The following AUH variants were observed in gnomAD, a reference collection of about 807,000 sequenced individuals.
AUH encodes the protein methylglutaconyl-CoA hydratase, mitochondrial.
In AUH, 29 loss-of-function variants were observed where a neutral mutation model predicts 42.3. The ratio of observed to expected loss-of-function variants is 0.69; its 90% CI spans 0.51 to 0.93. The LOEUF is 0.93. Among genes scored for constraint, AUH ranks in the 40% least tolerant of loss-of-function variants. AUH has a pLI of 0.00. For synonymous variants in AUH, 174 were observed against 166.4 expected, an observed-to-expected ratio of 1.05 and a Z score of -0.35; for missense variants, 452 against 438.1, an observed-to-expected ratio of 1.03 and a Z score of -0.28.
chr9:91,341,395 A>G (rs1831089867), intron 3 of AUH, among the ~76,000 whole-genome samples: 1 of 152,238 alleles, frequency 6.6e-6, no homozygotes, highest in South Asian at 2.1e-4. Flanking sequence ...CTTGAAGTCC[A>G]TCTGGGAACA....
intron 3 of AUH, among the ~76,000 whole-genome samples, chr9:91,347,212 T>TTTTGTTTG (rs145405829): frequency 0.1 from 15,573 of 150,078 alleles, 900 homozygotes; most frequent in Middle Eastern, 0.12. Context: ...TAAGAGGGTT[T>TTTTGTTTG]TTTGTTTGTT....
At chr9:91,326,477 A>G (rs1310553451) in intron 3 of AUH, among the ~76,000 whole-genome samples, 1 of 152,264 alleles carries the variant, frequency 6.6e-6, no homozygotes, top group Non-Finnish European at 1.5e-5. Flanking sequence ...AAACAAGGAC[A>G]TAATTATAAA....
intron 4 of AUH, chr9:91,306,472 C>T: frequency 2.6e-6 from 2 of 767,306 alleles, no homozygotes; most frequent in Non-Finnish European, 3.2e-6. Context: ...TTTACTTTCA[C>T]TTGGCAGGAA....
chr9:91,310,934 T>C (rs536091656), intron 4 of AUH, among the ~76,000 whole-genome samples: 1 of 152,342 alleles, frequency 6.6e-6, no homozygotes, highest in Admixed American at 6.5e-5. Flanking sequence ...CTGTTAATTA[T>C]TAGTGACTTG....
intron 6 of AUH, among the ~76,000 whole-genome samples, chr9:91,230,460 T>G (rs540660518): frequency 6.6e-6 from 1 of 151,528 alleles, no homozygotes; most frequent in African/African-American, 2.4e-5. Context: ...TTCTTCTAAA[T>G]TTTTTTCAAA....
At chr9:91,239,168 T>TTA (rs147117508) in intron 6 of AUH, among the ~76,000 whole-genome samples, 1 of 151,332 alleles carries the variant, frequency 6.6e-6, no homozygotes. Context: ...TTTTTTTTTT[T>TTA]ATCCTTCATC....
chr9:91,252,935 C>G (rs1297534735), intron 6 of AUH, among the ~76,000 whole-genome samples: 17 of 152,112 alleles, frequency 1.1e-4, no homozygotes. Context: ...GTTGTTAATA[C>G]CAGTGATTTT....
At chr9:91,360,878 T>C (rs1314833948) in intron 1 of AUH, among the ~76,000 whole-genome samples, 3 of 152,204 alleles carry the variant, frequency 2.0e-5, no homozygotes, top group African/African-American at 7.2e-5. Context: ...TGGAAACTGC[T>C]ATTCCACCCT....
intron 6 of AUH, chr9:91,294,824 G>A: frequency 2.2e-6 from 1 of 453,002 alleles, no homozygotes; most frequent in Non-Finnish European, 4.4e-6. Context: ...AAGAGCAAGA[G>A]AAATAGAATT....
At chr9:91,290,791 A>G (rs1209569210) in intron 6 of AUH, among the ~76,000 whole-genome samples, 1 of 152,156 alleles carries the variant, frequency 6.6e-6, no homozygotes, top group Non-Finnish European at 1.5e-5. Flanking sequence ...AAAACTTTTC[A>G]TAATCAAGTC....
At chr9:91,217,004 G>C (rs891935549) in intron 8 of AUH, among the ~76,000 whole-genome samples, 4 of 152,208 alleles carry the variant, frequency 2.6e-5, no homozygotes, top group Non-Finnish European at 4.4e-5. Context: ...AAATCTGTCT[G>C]TTAACTGGAT....
chr9:91,217,382 G>A (rs111299534), intron 7 of AUH, 55 bp from the exon 8 acceptor site: 147 of 1,537,564 alleles, frequency 9.6e-5, no homozygotes, highest in South Asian at 1.1e-4. Context: ...AAATTATGTC[G>A]TATATCTCAG....
chr9:91,348,779 G>T, intron 3 of AUH, among the ~76,000 whole-genome samples: 1 of 152,136 alleles, frequency 6.6e-6, no homozygotes, highest in East Asian at 1.9e-4. Context: ...ATGGACACAA[G>T]AAAACTTTTT....
intron 6 of AUH, among the ~76,000 whole-genome samples, chr9:91,287,865 A>C (rs1228056672): frequency 6.6e-6 from 1 of 152,134 alleles, no homozygotes; most frequent in Non-Finnish European, 1.5e-5. Flanking sequence ...ACCATTCTTG[A>C]TTCTTAGAAA....
intron 4 of AUH, among the ~76,000 whole-genome samples, chr9:91,310,936 A>AGT (rs1828656090): frequency 6.6e-6 from 1 of 152,224 alleles, no homozygotes; most frequent in Non-Finnish European, 1.5e-5. Context: ...GTTAATTATT[A>AGT]GTGACTTGTT....
At chr9:91,223,126 C>T (rs1827228358) in intron 6 of AUH, among the ~76,000 whole-genome samples, 1 of 152,176 alleles carries the variant, frequency 6.6e-6, no homozygotes, top group Non-Finnish European at 1.5e-5. Context: ...AGATGGCTGG[C>T]GGGCCTGCGG....
chr9:91,268,491 C>T (rs1318199896), intron 6 of AUH, among the ~76,000 whole-genome samples: 7 of 151,976 alleles, frequency 4.6e-5, no homozygotes, highest in African/African-American at 7.3e-5. Flanking sequence ...AGTGCAGTGG[C>T]GCCATCTCGG....
At chr9:91,285,856 C>A (rs1414304035) in intron 6 of AUH, among the ~76,000 whole-genome samples, 1 of 152,142 alleles carries the variant, frequency 6.6e-6, no homozygotes, top group African/African-American at 2.4e-5. Flanking sequence ...AATAAATACA[C>A]TGGACTTCAG....
chr9:91,260,806 T>C (rs1829669162), intron 6 of AUH, among the ~76,000 whole-genome samples: 2 of 152,200 alleles, frequency 1.3e-5, no homozygotes, highest in Non-Finnish European at 2.9e-5. Context: ...CTGTTCGTTA[T>C]AGTTTTTAGG....
Sources: allele counts gnomAD v4.1 joint callset (sites outside exome capture counted in the v4.1 genomes callset), GRCh38; gene constraint gnomAD v4.1.1; transcripts MANE v1.5; gene names NCBI Gene and HGNC (gene_info 2026-07-23, HGNC 2026-07-21).